SLC36A1: variants seen among roughly 807,000 people sequenced by gnomAD.
SLC36A1 encodes the protein proton-coupled amino acid transporter 1.
SLC36A1 carries 30 observed loss-of-function variants against 47.5 expected under a neutral mutation model. That is an observed-to-expected ratio of 0.63 (90% CI 0.47 to 0.86). The LOEUF (loss-of-function observed/expected upper bound fraction) is 0.86. Among genes scored for constraint, SLC36A1 ranks in the 40% least tolerant of loss-of-function variants. SLC36A1 has a pLI of 0.00. For synonymous variants in SLC36A1, 255 were observed against 249.7 expected (o/e 1.02, Z -0.20); for missense variants, 517 against 606.0 (o/e 0.85, Z 1.54).
the SLC36A1 span, among the ~76,000 whole-genome samples, chr5:151,547,383 A>G: frequency 1.3e-5 from 2 of 152,314 alleles, no homozygotes; most frequent in African/African-American, 4.8e-5. Context: ...TGCTTTCTCC[A>G]TGCCCAATAA....
At chr5:151,362,600 G>A in the SLC36A1 span, among the ~76,000 whole-genome samples, 1 of 151,754 alleles carries the variant, frequency 6.6e-6, no homozygotes, top group Non-Finnish European at 1.5e-5. Context: ...CATGTTGGCT[G>A]TGCTGGTCTC....
the SLC36A1 span, among the ~76,000 whole-genome samples, chr5:151,513,744 C>T: frequency 5.3e-5 from 8 of 152,068 alleles, no homozygotes; most frequent in South Asian, 2.1e-4. Context: ...CGAAACTAAA[C>T]TAAAAATTGG....
chr5:151,517,016 G>A, the SLC36A1 span, among the ~76,000 whole-genome samples: 1 of 151,746 alleles, frequency 6.6e-6, no homozygotes, highest in South Asian at 2.1e-4. Flanking sequence ...GCTGAGGCAG[G>A]AGAATCGCTT....
the SLC36A1 span, among the ~76,000 whole-genome samples, chr5:151,394,994 C>G: frequency 6.6e-6 from 1 of 152,206 alleles, no homozygotes; most frequent in African/African-American, 2.4e-5. Flanking sequence ...TGCCCTGCCT[C>G]CAGAGGTGGA....
chr5:151,503,122 GAAACCA>G, the SLC36A1 span, among the ~76,000 whole-genome samples: 13 of 147,806 alleles, frequency 8.8e-5, 1 homozygote, highest in African/African-American at 3.5e-4. Context: ...TTAGGGCAGT[GAAACCA>G]TCTGCAAGAG....
chr5:151,474,932 C>T (rs1162343793), intron 8 of SLC36A1, among the ~76,000 whole-genome samples: 1 of 152,220 alleles, frequency 6.6e-6, no homozygotes, highest in African/African-American at 2.4e-5. Flanking sequence ...AGAAGCTGTA[C>T]ACATTTTTTG....
the SLC36A1 span, chr5:151,534,699 G>T: frequency 2.0e-6 from 3 of 1,471,010 alleles, no homozygotes; most frequent in South Asian, 3.6e-5. Context: ...ACCCAAGCAT[G>T]TGCCCTCTAT....
At chr5:151,356,799 A>AT in the SLC36A1 span, among the ~76,000 whole-genome samples, 1 of 152,094 alleles carries the variant, frequency 6.6e-6, no homozygotes, top group Non-Finnish European at 1.5e-5. Flanking sequence ...ACTGGGGGCA[A>AT]TTTTCTCTCT....
the SLC36A1 span, chr5:151,517,709 G>A: frequency 6.8e-6 from 11 of 1,614,056 alleles, no homozygotes; most frequent in South Asian, 3.3e-5. Flanking sequence ...TGCCAGTTCC[G>A]AGCCGCTGGG....
chr5:151,479,723 G>A, intron 10 of SLC36A1: 1 of 545,160 alleles, frequency 1.8e-6, no homozygotes, highest in Admixed American at 3.4e-5. Flanking sequence ...GTATAGATAG[G>A]GTATGAAATG....
At chr5:151,392,890 T>G in the SLC36A1 span, among the ~76,000 whole-genome samples, 2 of 152,124 alleles carry the variant, frequency 1.3e-5, no homozygotes, top group Admixed American at 1.3e-4. Context: ...TGATTTGGGG[T>G]GGAGAGTTCT....
the SLC36A1 span, chr5:151,507,722 C>G: frequency 1.0e-6 from 1 of 962,800 alleles, no homozygotes; most frequent in African/African-American, 1.7e-5. Flanking sequence ...TACCATCTCC[C>G]GTTTTTCACC....
At chr5:151,468,262 A>T (rs1242358743) in intron 7 of SLC36A1, among the ~76,000 whole-genome samples, 7 of 81,120 alleles carry the variant, frequency 8.6e-5, no homozygotes, top group East Asian at 9.1e-4. Context: ...AAAAAAAAAA[A>T]AAAAATATAT....
chr5:151,500,818 C>T, the SLC36A1 span, among the ~76,000 whole-genome samples: 99 of 152,304 alleles, frequency 6.5e-4, no homozygotes, highest in Non-Finnish European at 1.3e-3. Context: ...CTGCCTGAGC[C>T]CCAGTGGTTT....
chr5:151,379,447 C>T, the SLC36A1 span, among the ~76,000 whole-genome samples: 1 of 152,370 alleles, frequency 6.6e-6, no homozygotes, highest in African/African-American at 2.4e-5. Flanking sequence ...GATTCTCCTG[C>T]CTCAGCCTCC....
chr5:151,408,479 G>A, the SLC36A1 span, among the ~76,000 whole-genome samples: 1 of 152,058 alleles, frequency 6.6e-6, no homozygotes, highest in Non-Finnish European at 1.5e-5. Flanking sequence ...GAACCACCGT[G>A]CCTGGCCAAG....
At chr5:151,481,630 G>A (rs1185634176) in intron 10 of SLC36A1, among the ~76,000 whole-genome samples, 3 of 149,908 alleles carry the variant, frequency 2.0e-5, no homozygotes, top group East Asian at 3.9e-4. Context: ...GAGGAATTCA[G>A]TGTAGTTTCT....
At chr5:151,451,654 TC>T (rs941536610) in intron 1 of SLC36A1, among the ~76,000 whole-genome samples, 5 of 152,236 alleles carry the variant, frequency 3.3e-5, no homozygotes, top group African/African-American at 1.2e-4. Flanking sequence ...ATTTATTTTT[TC>T]CTCCTATCTT....
chr5:151,353,797 T>C, the SLC36A1 span, among the ~76,000 whole-genome samples: 2 of 152,226 alleles, frequency 1.3e-5, no homozygotes. Context: ...CAGAATGTCA[T>C]ACAGCTAGAA....
Sources: allele counts gnomAD v4.1 joint callset (sites outside exome capture counted in the v4.1 genomes callset), GRCh38; gene constraint gnomAD v4.1.1; transcripts MANE v1.5; gene names NCBI Gene and HGNC (gene_info 2026-07-23, HGNC 2026-07-21).